LEPR: variants seen among roughly 807,000 people sequenced by gnomAD.
LEPR encodes OB receptor.
LEPR carries 56 observed loss-of-function variants against 114.7 expected under a neutral mutation model. The observed-to-expected ratio is 0.49, with a 90% CI of 0.39 to 0.61. The LOEUF is 0.61. LEPR is among the 20% of genes least tolerant of loss of function. LEPR has a pLI of 0.00. For synonymous variants in LEPR, 443 were observed against 461.4 expected, an observed-to-expected ratio of 0.96 and a Z score of 0.51; for missense variants, 1,202 against 1,352.9, an observed-to-expected ratio of 0.89 and a Z score of 1.75.
intron 11 of LEPR, among the ~76,000 whole-genome samples, chr1:65,607,138 A>C (rs1656865467): frequency 6.6e-6 from 1 of 152,056 alleles, no homozygotes; most frequent in Non-Finnish European, 1.5e-5. Flanking sequence ...TTCTCTCTTA[A>C]TTTTTCTTAC....
intron 5 of LEPR, among the ~76,000 whole-genome samples, chr1:65,587,661 T>C (rs1248299228): frequency 6.6e-6 from 1 of 152,068 alleles, no homozygotes; most frequent in Non-Finnish European, 1.5e-5. Flanking sequence ...AGTGTGCTTT[T>C]GACACTAATA....
intron 2 of LEPR, among the ~76,000 whole-genome samples, chr1:65,528,973 T>A (rs891456636): frequency 4.0e-4 from 7 of 17,572 alleles, no homozygotes; most frequent in African/African-American, 1.6e-3. Context: ...CCTGGCTATT[T>A]TTTTTTTTTT....
intron 19 of LEPR, chr1:65,634,014 A>T: frequency 1.0e-6 from 1 of 985,372 alleles, no homozygotes; most frequent in East Asian, 1.1e-4. Flanking sequence ...TCTGGCAGGC[A>T]GGGAAATGGG....
chr1:65,622,690 A>C (rs577213096), intron 18 of LEPR, among the ~76,000 whole-genome samples: 1 of 152,316 alleles, frequency 6.6e-6, no homozygotes, highest in South Asian at 2.1e-4. Flanking sequence ...GCTTTCAATA[A>C]GTATTGGCTA....
chr1:65,610,591 T>C (rs1195546287), intron 14 of LEPR, among the ~76,000 whole-genome samples: 2 of 152,204 alleles, frequency 1.3e-5, no homozygotes, highest in Non-Finnish European at 2.9e-5. Context: ...AAATGTAATA[T>C]TGAACTAGAT....
chr1:65,599,914 C>A (rs1656330641), intron 8 of LEPR, among the ~76,000 whole-genome samples: 1 of 151,950 alleles, frequency 6.6e-6, no homozygotes, highest in Non-Finnish European at 1.5e-5. Flanking sequence ...GTGTAAATTT[C>A]ACAAATTGTC....
At chr1:65,457,681 G>A (rs1258891296) in intron 2 of LEPR, among the ~76,000 whole-genome samples, 2 of 152,042 alleles carry the variant, frequency 1.3e-5, no homozygotes, top group Non-Finnish European at 2.9e-5. Context: ...TCCCCTTTCT[G>A]AGTCTTCATT....
intron 2 of LEPR, among the ~76,000 whole-genome samples, chr1:65,439,516 A>T (rs1390050082): frequency 6.6e-6 from 1 of 152,208 alleles, no homozygotes; most frequent in African/African-American, 2.4e-5. Flanking sequence ...AGTAAAAAAT[A>T]ATTCAATAGT....
At chr1:65,617,284 G>A (rs1657586298) in intron 15 of LEPR, among the ~76,000 whole-genome samples, 1 of 152,190 alleles carries the variant, frequency 6.6e-6, no homozygotes, top group South Asian at 2.1e-4. Context: ...ATGAAAAAAA[G>A]GAACCTGACC....
intron 2 of LEPR, among the ~76,000 whole-genome samples, chr1:65,507,499 G>GTA (rs202129292): frequency 2.0e-4 from 27 of 138,022 alleles, no homozygotes; most frequent in East Asian, 1.2e-3. Context: ...ATATGTGTGT[G>GTA]TATATATATA....
intron 2 of LEPR, among the ~76,000 whole-genome samples, chr1:65,477,012 C>T (rs945044014): frequency 1.3e-5 from 2 of 152,162 alleles, no homozygotes; most frequent in Non-Finnish European, 2.9e-5. Context: ...GAACACAGTA[C>T]AGAAAATTGC....
intron 2 of LEPR, among the ~76,000 whole-genome samples, chr1:65,475,613 G>A (rs969031673): frequency 3.9e-5 from 6 of 152,124 alleles, no homozygotes; most frequent in Admixed American, 1.3e-4. Flanking sequence ...TTAGTCAAAG[G>A]TGGTCTTTGG....
intron 2 of LEPR, among the ~76,000 whole-genome samples, chr1:65,549,128 A>T (rs987928650): frequency 2.0e-5 from 3 of 151,504 alleles, no homozygotes; most frequent in Non-Finnish European, 1.5e-5. Flanking sequence ...AGAATGTTGA[A>T]TATTGGTCCC....
At chr1:65,599,368 G>T (rs1442819664) in intron 8 of LEPR, among the ~76,000 whole-genome samples, 2 of 152,180 alleles carry the variant, frequency 1.3e-5, no homozygotes, top group South Asian at 2.1e-4. Context: ...ATGCAAAGTT[G>T]GGACTATAGA....
chr1:65,469,369 C>T (rs1157717554), intron 2 of LEPR, among the ~76,000 whole-genome samples: 1 of 152,198 alleles, frequency 6.6e-6, no homozygotes. Context: ...TAGAACATCA[C>T]AGGGTGTGTT....
intron 2 of LEPR, among the ~76,000 whole-genome samples, chr1:65,462,889 A>G (rs1342368718): frequency 1.3e-5 from 2 of 152,058 alleles, no homozygotes; most frequent in African/African-American, 2.4e-5. Context: ...TAGATTCCAG[A>G]TATTAGCCTT....
rs115160659 is a variant in LEPR, at chr1:65,517,069, A to G, written c.-20-48477A>G. Among the ~76,000 whole-genome samples the G allele has an allele frequency of 7.5e-3, 1,135 of 152,336 alleles. 12 individuals carry two copies. Among genetic ancestry groups the G allele is most frequent in the Non-Finnish European group, 0.013 (885 of 68,036 alleles). On this transcript the variant is annotated intron_variant, in intron 2 of 19. Transcript: ENST00000349533. ...TAATCTCCCATGGTTTTTAGATGGT[A>G]ATAGTAATGTCCTTTTACCTCTACC...
At chr1:65,466,362 T>C (rs1647012318) in intron 2 of LEPR, among the ~76,000 whole-genome samples, 1 of 152,206 alleles carries the variant, frequency 6.6e-6, no homozygotes, top group Admixed American at 6.5e-5. Context: ...CCCCACTCTC[T>C]TTTGGCTTGT....
chr1:65,611,277 A>AT (rs1167662490), intron 14 of LEPR, among the ~76,000 whole-genome samples: 1 of 152,304 alleles, frequency 6.6e-6, no homozygotes, highest in South Asian at 2.1e-4. Flanking sequence ...TTTATGAGCC[A>AT]TTTATTGTAT....
Sources: allele counts gnomAD v4.1 joint callset (sites outside exome capture counted in the v4.1 genomes callset), GRCh38; gene constraint gnomAD v4.1.1; transcripts MANE v1.5; gene names NCBI Gene and HGNC (gene_info 2026-07-23, HGNC 2026-07-21).